HBS1L: variants seen among roughly 807,000 people sequenced by gnomAD.
HBS1L encodes the protein HBS1 like translational GTPase, also known as HBS1-like protein.
In HBS1L, 55 loss-of-function variants were observed where a neutral mutation model predicts 88.9. That is an observed-to-expected ratio of 0.62 (90% CI 0.50 to 0.77). HBS1L has a LOEUF of 0.77. Ranked by LOEUF, HBS1L falls within the 30% of genes least tolerant of loss-of-function variation. The pLI is 0.00. For missense variants in HBS1L, 741 were observed against 829.3 expected, an observed-to-expected ratio of 0.89 and a Z score of 1.31; for synonymous variants, 267 against 288.5, an observed-to-expected ratio of 0.93 and a Z score of 0.76.
intron 4 of HBS1L, among the ~76,000 whole-genome samples, chr6:135,014,943 A>G (rs971989903): frequency 5.3e-5 from 8 of 151,606 alleles, no homozygotes; most frequent in African/African-American, 1.7e-4. Flanking sequence ...GCTGAGGAAG[A>G]TGGATTGCTT....
intron 13 of HBS1L, chr6:134,982,191 C>A (rs751272539): frequency 1.6e-4 from 54 of 347,890 alleles, no homozygotes; most frequent in Non-Finnish European, 2.6e-4. Context: ...CTGATTAAAT[C>A]CTAACCAGGC....
intron 4 of HBS1L, among the ~76,000 whole-genome samples, chr6:135,005,923 G>C (rs559791149): frequency 6.6e-6 from 1 of 152,290 alleles, no homozygotes; most frequent in South Asian, 2.1e-4. Flanking sequence ...AAGTGAATAA[G>C]GTTTTCAGTA....
In HBS1L at chr6:134,987,794, A is replaced by G; in HGVS notation, c.1084-3T>C. ...ACAACTAAAACAGCTACATCCGCCTAAAGAAGAAAAATAATCGAAGCCAGA... is the reference window on the plus strand; with the variant it reads ...ACAACTAAAACAGCTACATCCGCCTGAAGAAGAAAAATAATCGAAGCCAGA... On this transcript the variant is annotated splice_region_variant and splice_polypyrimidine_tract_variant and intron_variant, in intron 8 of 17. Coordinates refer to ENST00000367837, the MANE Select transcript of HBS1L (RefSeq NM_006620.4). The G allele has an allele frequency of 6.4e-7, 1 of 1,569,554 alleles. No individual in the cohort carries two copies. The highest frequency in any genetic ancestry group is 1.7e-4 in the Middle Eastern group (1 of 5,898).
chr6:135,035,826 A>C, intron 4 of HBS1L: 1 of 645,090 alleles, frequency 1.6e-6, no homozygotes, highest in Non-Finnish European at 1.9e-6. Flanking sequence ...AGATCTGGTA[A>C]AATTCTCCAT....
intron 4 of HBS1L, among the ~76,000 whole-genome samples, chr6:135,024,439 CAAAAAAAAAA>C (rs60663059): frequency 1.5e-5 from 1 of 66,498 alleles, no homozygotes; most frequent in Non-Finnish European, 3.2e-5. Context: ...GACTTCGTCT[CAAAAAAAAAA>C]AAAAAAAAAA....
intron 15 of HBS1L, among the ~76,000 whole-genome samples, chr6:134,971,397 C>T (rs907203303): frequency 3.3e-5 from 5 of 152,174 alleles, no homozygotes; most frequent in East Asian, 1.9e-4. Flanking sequence ...GGATTCACTT[C>T]GCTTAGCCAA....
chr6:135,041,663 T>G (rs982480975), intron 3 of HBS1L, among the ~76,000 whole-genome samples: 2 of 152,142 alleles, frequency 1.3e-5, no homozygotes, highest in African/African-American at 4.8e-5. Flanking sequence ...ATTCTAATCA[T>G]AAGCTCCATA....
chr6:135,000,432 T>TACATG (rs1310584632), intron 5 of HBS1L, among the ~76,000 whole-genome samples: 1 of 151,968 alleles, frequency 6.6e-6, no homozygotes, highest in East Asian at 1.9e-4. Context: ...AAGTAAACTA[T>TACATG]ACATGAATCT....
At chr6:135,028,524 GAATT>G (rs1261019873) in intron 4 of HBS1L, among the ~76,000 whole-genome samples, 21 of 152,216 alleles carry the variant, frequency 1.4e-4, no homozygotes, top group African/African-American at 5.1e-4. Flanking sequence ...CAATGCTACT[GAATT>G]ATTTGAAGAT....
chr6:135,049,760 CG>C (rs1777022055), intron 2 of HBS1L, among the ~76,000 whole-genome samples: 1 of 151,876 alleles, frequency 6.6e-6, no homozygotes, highest in Non-Finnish European at 1.5e-5. Flanking sequence ...TTAGTAGAGA[CG>C]GGGTTTCACC....
chr6:135,023,828 C>T (rs1401087110), intron 4 of HBS1L, among the ~76,000 whole-genome samples: 1 of 151,302 alleles, frequency 6.6e-6, no homozygotes, highest in Admixed American at 6.5e-5. Context: ...TTAGTATAAA[C>T]ATTTATCAGC....
intron 4 of HBS1L, among the ~76,000 whole-genome samples, chr6:135,016,638 A>C (rs976233835): frequency 1.3e-5 from 2 of 152,242 alleles, no homozygotes; most frequent in African/African-American, 4.8e-5. Context: ...TGTAACTTGC[A>C]TATCAAGCCT....
intron 12 of HBS1L, among the ~76,000 whole-genome samples, chr6:134,984,856 A>T (rs1774933998): frequency 6.6e-6 from 1 of 152,104 alleles, no homozygotes; most frequent in African/African-American, 2.4e-5. Context: ...TCTTTATATT[A>T]CATTTCCCAT....
At chr6:135,029,870 T>C (rs1250237278) in intron 4 of HBS1L, among the ~76,000 whole-genome samples, 1 of 152,230 alleles carries the variant, frequency 6.6e-6, no homozygotes, top group Non-Finnish European at 1.5e-5. Context: ...GATACATATA[T>C]AAGTGTTACA....
chr6:134,972,957 A>G (rs1774532475), intron 15 of HBS1L, among the ~76,000 whole-genome samples: 1 of 152,202 alleles, frequency 6.6e-6, no homozygotes, highest in Non-Finnish European at 1.5e-5. Context: ...TGTTGACAAG[A>G]AAGTAGAGAA....
Position 134,962,350 on chromosome 6 carries a change from A to G in HBS1L, c.*2929T>C, listed in dbSNP as rs753207062. ...GTAAAAAAATGCATTGGAGAGACAG[A>G]AAAGAAATACATGAAAACATTGGCA... On this transcript the variant is annotated 3_prime_UTR_variant, in exon 18 of 18. Coordinates refer to ENST00000367837, the MANE Select transcript of HBS1L (RefSeq NM_006620.4). The G allele has an allele frequency of 1.3e-5, 2 of 152,238 alleles. No homozygotes were observed. The highest frequency in any genetic ancestry group is 2.9e-5 in the Non-Finnish European group (2 of 68,040). 9.4% of individuals were successfully genotyped at this position (152,238 alleles called of 1,614,324 possible).
At chr6:135,019,785 A>G (rs1776021269) in intron 4 of HBS1L, among the ~76,000 whole-genome samples, 1 of 151,948 alleles carries the variant, frequency 6.6e-6, no homozygotes, top group African/African-American at 2.4e-5. Context: ...TTCATGTGTG[A>G]GCAAGATGGC....
At position 134,997,520 on chromosome 6, in the gene HBS1L, C is replaced by T; in HGVS notation, c.676G>A (p.Glu226Lys). 1 of 1,614,082 alleles carries T rather than the reference C, an allele frequency of 6.2e-7. No homozygotes were observed. Among genetic ancestry groups the T allele is most frequent in the Non-Finnish European group, 8.5e-7 (1 of 1,179,994 alleles). ...ANPPHTIQAS[E>K]EQSSTPAPVK... ...GGTGCTGGGGTTGAACTCTGCTCTT[C>T]TGATGCTTGAATCGTGTGGGGTGGA... Residue 226 changes from glutamate (E) to lysine (K), a missense_variant, in exon 6 of 18, where the codon GAA becomes AAA. Glu to Lys is a moderately conservative substitution (Grantham distance 56). Transcript: ENST00000367837.
intron 4 of HBS1L, among the ~76,000 whole-genome samples, chr6:135,009,505 C>G (rs930988030): frequency 2.6e-5 from 4 of 151,618 alleles, no homozygotes; most frequent in African/African-American, 9.7e-5. Flanking sequence ...GGGCACTCAT[C>G]AATATACTTT....
Sources: allele counts gnomAD v4.1 joint callset (sites outside exome capture counted in the v4.1 genomes callset), GRCh38; gene constraint gnomAD v4.1.1; transcripts MANE v1.5; gene names NCBI Gene and HGNC (gene_info 2026-07-23, HGNC 2026-07-21).